MREG: variants seen among roughly 807,000 people sequenced by gnomAD.
MREG encodes dilute suppressor protein homolog.
In MREG, 31 loss-of-function variants were observed where a neutral mutation model predicts 28.5. The ratio of observed to expected loss-of-function variants is 1.09; its 90% confidence interval spans 0.82 to 1.47. The LOEUF (loss-of-function observed/expected upper bound fraction) is 1.47. MREG is among the 40% of genes most tolerant of loss of function. The pLI is 0.00. For synonymous variants in MREG, 106 were observed against 95.2 expected (o/e 1.11, Z -0.66); for missense variants, 256 against 257.4 (o/e 0.99, Z 0.04).
chr2:216,033,771 C>T (rs1694748284), upstream of MREG: 1 of 152,366 alleles, frequency 6.6e-6, no homozygotes, highest in African/African-American at 2.4e-5. Context: ...CTGACTCCCA[C>T]CAGGCAGAAC....
intron 2 of MREG, among the ~76,000 whole-genome samples, chr2:215,955,349 T>C (rs1574596711): frequency 6.6e-6 from 1 of 152,342 alleles, no homozygotes; most frequent in East Asian, 1.9e-4. Context: ...ATTTTTCGCT[T>C]CCTAGTCATT....
chr2:216,008,723 A>G (rs1694224320), intron 1 of MREG, among the ~76,000 whole-genome samples: 1 of 152,240 alleles, frequency 6.6e-6, no homozygotes, highest in African/African-American at 2.4e-5. Context: ...CTAAAAAGGA[A>G]TTGATCAGGA....
At position 216,006,848 on chromosome 2, in the gene MREG, C is replaced by G. The variant is rs113585676; in HGVS notation, c.95+6385G>C. On this transcript the variant is annotated intron_variant, in intron 1 of 4. Transcript: ENST00000263268. The stretch of plus-strand genomic sequence containing the variant: ...TTACATGTTGTGAGCCCTCCCTTAC[C>G]CCCACCCTTCTTTCCCACTGGCACC... Among the ~76,000 whole-genome samples, 991 of 152,250 alleles carry G rather than the reference C, an allele frequency of 6.5e-3. 8 individuals carry two copies. The highest frequency in any genetic ancestry group is 0.034 in the South Asian group (162 of 4,822).
rs112345652 is a variant in MREG at position 215,953,300 on chromosome 2, C to T, written c.256-6187G>A. On this transcript the variant is annotated intron_variant, in intron 2 of 4. Coordinates refer to ENST00000263268, the MANE Select transcript of MREG (RefSeq NM_018000.3). ...AGAGTGGACACTGATTGGCTTATGC[C>T]AATAAACTCATTTTTGGCTGTATAT... Among the ~76,000 whole-genome samples, 9 of 152,298 alleles carry T rather than the reference C, an allele frequency of 5.9e-5. 1 individual carries two copies. The highest frequency in any genetic ancestry group is 1.7e-4 in the African/African-American group (7 of 41,570).
At chr2:215,980,543 C>T (rs986348792) in intron 2 of MREG, among the ~76,000 whole-genome samples, 3 of 152,200 alleles carry the variant, frequency 2.0e-5, no homozygotes, top group African/African-American at 7.2e-5. Flanking sequence ...TGTGACTGGC[C>T]CACAGTTTCA....
At position 215,952,956 on chromosome 2, in the gene MREG, G is replaced by A. The variant is rs183942659; in HGVS notation, c.256-5843C>T. ...AACTTAGCTTTTCCTCTGTGCACAC[G>A]TGTGCTCTCTCTTTCTCTCTCTCCC... On this transcript the variant is annotated intron_variant, in intron 2 of 4. Transcript: ENST00000263268. Among the ~76,000 whole-genome samples the A allele has an allele frequency of 1.6e-3, 237 of 152,076 alleles. 1 individual carries two copies. The highest frequency in any genetic ancestry group is 1.6e-3 in the Non-Finnish European group (111 of 67,998).
chr2:215,988,270 C>T (rs1042652420), intron 2 of MREG, among the ~76,000 whole-genome samples: 12 of 152,124 alleles, frequency 7.9e-5, no homozygotes, highest in African/African-American at 2.7e-4. Flanking sequence ...TGGGGCGTTG[C>T]CTCACAGAGA....
At position 216,010,354 on chromosome 2, in the gene MREG, C is replaced by CTT. The variant is rs1164326774; in HGVS notation, c.95+2877_95+2878dup. 6.6e-3 allele frequency among the ~76,000 whole-genome samples: 623 copies of CTT among 94,314 alleles called. 36 individuals are homozygous for CTT. The East Asian group carries it at 0.089, about 13-fold the overall frequency. 61.9% of individuals were successfully genotyped at this position (94,314 alleles called of 152,430 possible). On this transcript the variant is annotated intron_variant, in intron 1 of 4. Coordinates refer to ENST00000263268, the MANE Select transcript of MREG (RefSeq NM_018000.3). ...TAGAACTGTGAAAGAAAAGATTTCT[C>CTT]TTTTTTTTTTTTTTTTTTTTTGAGA...
chr2:215,995,386 C>T (rs983246714), intron 2 of MREG, among the ~76,000 whole-genome samples: 6 of 152,244 alleles, frequency 3.9e-5, no homozygotes, highest in Middle Eastern at 3.4e-3. Flanking sequence ...ACACATGACA[C>T]TTCTAAAAGT....
In MREG at chr2:215,986,960, C is replaced by T. The variant is rs537009359; in HGVS notation, c.255+9346G>A. Among the ~76,000 whole-genome samples the T allele has an allele frequency of 3.6e-4, 55 of 152,206 alleles. No individual in the cohort carries two copies. In the South Asian group the frequency reaches 4.8e-3, roughly 13 times the overall value. ...TCCAACAATTCTACTGAAAAAACTA[C>T]GAAAGGTCATACAAATATATATGGA... On this transcript the variant is annotated intron_variant, in intron 2 of 4. Transcript: ENST00000263268.
chr2:216,001,494 G>A (rs1036197416), intron 1 of MREG, among the ~76,000 whole-genome samples: 4 of 152,162 alleles, frequency 2.6e-5, no homozygotes, highest in African/African-American at 9.7e-5. Flanking sequence ...TGACCTGCTC[G>A]TGGCTACGAA....
At chr2:216,028,078 A>G (rs1244144006) in intron 1 of MREG, among the ~76,000 whole-genome samples, 1 of 152,210 alleles carries the variant, frequency 6.6e-6, no homozygotes, top group Non-Finnish European at 1.5e-5. Context: ...CTTCCATACA[A>G]GAGTTTGGAC....
chr2:216,000,747 A>G (rs1215167344), intron 1 of MREG, among the ~76,000 whole-genome samples: 1 of 152,208 alleles, frequency 6.6e-6, no homozygotes, highest in Non-Finnish European at 1.5e-5. Flanking sequence ...CTGTGCTGTG[A>G]TCCCAATCTG....
At chr2:215,987,408 G>A (rs909767983) in intron 2 of MREG, among the ~76,000 whole-genome samples, 2 of 151,824 alleles carry the variant, frequency 1.3e-5, no homozygotes, top group Non-Finnish European at 2.9e-5. Context: ...CATCACGCCC[G>A]GCTAATTTTT....
chr2:215,995,272 C>T (rs902290048), intron 2 of MREG, among the ~76,000 whole-genome samples: 3 of 152,166 alleles, frequency 2.0e-5, no homozygotes, highest in African/African-American at 7.2e-5. Flanking sequence ...CACCCTTCCC[C>T]AGGCCTCAAG....
chr2:216,005,847 A>G (rs1347535193), intron 1 of MREG, among the ~76,000 whole-genome samples: 9 of 151,546 alleles, frequency 5.9e-5, no homozygotes, highest in African/African-American at 2.2e-4. Flanking sequence ...TTTTGTAAAA[A>G]AAAAAAAAAA....
At chr2:215,975,857 G>A (rs976002356) in intron 2 of MREG, among the ~76,000 whole-genome samples, 5 of 152,104 alleles carry the variant, frequency 3.3e-5, no homozygotes, top group African/African-American at 9.7e-5. Context: ...AGGTTGAGGC[G>A]GGCAGATTGC....
chr2:216,016,228 G>C (rs1014114712), upstream of MREG, among the ~76,000 whole-genome samples: 2 of 152,178 alleles, frequency 1.3e-5, no homozygotes, highest in Non-Finnish European at 2.9e-5. Context: ...CTTGCACCTG[G>C]TGCCAAGATG....
chr2:216,026,976 G>A (rs943558903), intron 1 of MREG, among the ~76,000 whole-genome samples: 1 of 152,124 alleles, frequency 6.6e-6, no homozygotes, highest in Admixed American at 6.5e-5. Flanking sequence ...AAACATGAGA[G>A]ATAACTTCTG....
Sources: allele counts gnomAD v4.1 joint callset (sites outside exome capture counted in the v4.1 genomes callset), GRCh38; gene constraint gnomAD v4.1.1; transcripts MANE v1.5; gene names NCBI Gene and HGNC (gene_info 2026-07-23, HGNC 2026-07-21).